Variants in NHERF1 observed in about 807,000 individuals in gnomAD.
NHERF1 encodes the protein Na(+)/H(+) exchange regulatory cofactor NHE-RF1.
At chr17:74,762,886 C>G in the NHERF1 span, 348 of 161,306 alleles carry the variant, frequency 2.2e-3, 2 homozygotes, top group Admixed American at 1.0e-3. This position sits in a 1 kb window ranked among gnomAD's most constrained non-coding sequence, Gnocchi z 4.2. Context: ...CTCGTGCATT[C>G]AGGGCTCTGG....
chr17:74,751,386 A>G, the NHERF1 span, among the ~76,000 whole-genome samples: 7 of 152,350 alleles, frequency 4.6e-5, no homozygotes, highest in Non-Finnish European at 8.8e-5. This position sits in a 1 kb window ranked among gnomAD's most constrained non-coding sequence, Gnocchi z 4.3. Context: ...AGGTTTGCCA[A>G]TTCGTTTTAG....
the NHERF1 span, chr17:74,762,282 C>A: frequency 9.7e-7 from 1 of 1,031,254 alleles, no homozygotes; most frequent in Non-Finnish European, 1.5e-6. The surrounding 1 kb of genome is among the most constrained non-coding windows in gnomAD (Gnocchi z 4.2). Context: ...ACGGGCATAG[C>A]CAACCTGGAG....
At chr17:74,760,507 G>T in the NHERF1 span, among the ~76,000 whole-genome samples, 1 of 152,116 alleles carries the variant, frequency 6.6e-6, no homozygotes, top group Non-Finnish European at 1.5e-5. The surrounding 1 kb of genome is among the most constrained non-coding windows in gnomAD (Gnocchi z 4.5). Flanking sequence ...GAAAGGCTGG[G>T]GATTGAGTCT....
the NHERF1 span, chr17:74,768,741 T>G: frequency 8.2e-7 from 1 of 1,217,588 alleles, no homozygotes; most frequent in Middle Eastern, 1.9e-4. Context: ...CTCCCCTGAA[T>G]CAATGTACAA....
chr17:74,755,801 G>A, the NHERF1 span, among the ~76,000 whole-genome samples: 5 of 152,278 alleles, frequency 3.3e-5, no homozygotes, highest in African/African-American at 4.8e-5. Flanking sequence ...ACATGCAGAC[G>A]TGCTGTGTGT....
chr17:74,755,021 T>C, the NHERF1 span, among the ~76,000 whole-genome samples: 1 of 152,280 alleles, frequency 6.6e-6, no homozygotes, highest in East Asian at 1.9e-4. Context: ...GACTCTGAGC[T>C]AGCGACTCCT....
the NHERF1 span, among the ~76,000 whole-genome samples, chr17:74,759,041 A>G: frequency 6.6e-6 from 1 of 152,164 alleles, no homozygotes; most frequent in Non-Finnish European, 1.5e-5. Flanking sequence ...GAGGAGGAAC[A>G]AGGCTGGTCT....
chr17:74,754,119 G>A, the NHERF1 span, among the ~76,000 whole-genome samples: 20 of 151,858 alleles, frequency 1.3e-4, no homozygotes, highest in South Asian at 2.1e-4. Context: ...AGCCGAGATC[G>A]CGCCACTGCA....
At chr17:74,749,902 G>T in the NHERF1 span, among the ~76,000 whole-genome samples, 2 of 152,232 alleles carry the variant, frequency 1.3e-5, no homozygotes, top group Non-Finnish European at 2.9e-5. The surrounding 1 kb of genome is among the most constrained non-coding windows in gnomAD (Gnocchi z 5.6). Context: ...ACCATCTCAG[G>T]GCGGTGTGGG....
the NHERF1 span, chr17:74,766,984 CG>C: frequency 1.2e-6 from 2 of 1,613,370 alleles, no homozygotes; most frequent in African/African-American, 2.7e-5. Flanking sequence ...AAGGTAAGGG[CG>C]GGTCCCCTGT....
chr17:74,754,883 C>G, the NHERF1 span, among the ~76,000 whole-genome samples: 2 of 152,246 alleles, frequency 1.3e-5, no homozygotes, highest in African/African-American at 2.4e-5. Flanking sequence ...GTGTCTAGCA[C>G]TGTGCTAAGT....
chr17:74,751,447 C>CACTT, the NHERF1 span, among the ~76,000 whole-genome samples: 2 of 152,234 alleles, frequency 1.3e-5, no homozygotes, highest in African/African-American at 4.8e-5. The surrounding 1 kb of genome is among the most constrained non-coding windows in gnomAD (Gnocchi z 4.3). Flanking sequence ...ATTAGCCCTC[C>CACTT]ACTTACTAAG....
At chr17:74,769,325 C>CT in the NHERF1 span, 1 of 152,314 alleles carries the variant, frequency 6.6e-6, no homozygotes, top group Non-Finnish European at 1.5e-5. Flanking sequence ...TAAGGAAACA[C>CT]TTTCAGAAAT....
chr17:74,755,055 T>G, the NHERF1 span, among the ~76,000 whole-genome samples: 6 of 152,318 alleles, frequency 3.9e-5, no homozygotes, highest in African/African-American at 1.4e-4. Context: ...GGGGTGTGTC[T>G]TGGAACCCAA....
the NHERF1 span, among the ~76,000 whole-genome samples, chr17:74,763,945 C>T: frequency 6.6e-6 from 1 of 152,216 alleles, no homozygotes; most frequent in Non-Finnish European, 1.5e-5. Flanking sequence ...GGGCCGGTGC[C>T]TCCCCCTCCC....
the NHERF1 span, chr17:74,768,259 G>T: frequency 1.3e-6 from 2 of 1,574,380 alleles, no homozygotes; most frequent in Non-Finnish European, 8.7e-7. Context: ...TGCGGGGGGT[G>T]GCAACTGGGT....
At chr17:74,762,573 T>A in the NHERF1 span, among the ~76,000 whole-genome samples, 6 of 151,548 alleles carry the variant, frequency 4.0e-5, no homozygotes, top group South Asian at 2.1e-4. The surrounding 1 kb of genome is among the most constrained non-coding windows in gnomAD (Gnocchi z 4.2). Context: ...TTTTTTTTTT[T>A]AAATGGAGTC....
At chr17:74,749,721 T>G in the NHERF1 span, among the ~76,000 whole-genome samples, 2 of 151,550 alleles carry the variant, frequency 1.3e-5, no homozygotes, top group African/African-American at 4.9e-5. This position sits in a 1 kb window ranked among gnomAD's most constrained non-coding sequence, Gnocchi z 5.6. Context: ...GGTGCCAGCT[T>G]CGCCCGCCAC....
the NHERF1 span, chr17:74,766,905 T>C: frequency 1.4e-5 from 22 of 1,612,614 alleles, no homozygotes; most frequent in Non-Finnish European, 1.8e-5. Flanking sequence ...ATCCCCGTTC[T>C]GGACTCACCT....
Sources: allele counts gnomAD v4.1 joint callset (sites outside exome capture counted in the v4.1 genomes callset), GRCh38; gene constraint gnomAD v4.1.1; non-coding constraint Gnocchi (gnomAD v3.1); transcripts MANE v1.5; gene names NCBI Gene and HGNC (gene_info 2026-07-23, HGNC 2026-07-21).